DIAPH2: variants seen among roughly 807,000 people sequenced by gnomAD.
DIAPH2 encodes diaphanous related formin 2, also known as protein diaphanous homolog 2.
A neutral mutation model predicts 92.7 loss-of-function variants in DIAPH2; 35 were observed. The ratio of observed to expected loss-of-function variants is 0.38; its 90% confidence interval spans 0.29 to 0.50. DIAPH2 has a LOEUF of 0.50. Among genes scored for constraint, DIAPH2 ranks in the 20% least tolerant of loss-of-function variants. The pLI is 0.94. For synonymous variants in DIAPH2, 301 were observed against 280.4 expected (o/e 1.07, Z -0.73); for missense variants, 701 against 819.5 (o/e 0.86, Z 1.77).
intron 4 of DIAPH2, among the ~76,000 whole-genome samples, chrX:96,833,258 A>G (rs1376907100): frequency 4.5e-5 from 5 of 111,480 alleles, no homozygotes; most frequent in African/African-American, 1.6e-4. Context: ...GTAGTATAAG[A>G]TATTTGTATA....
intron 3 of DIAPH2, among the ~76,000 whole-genome samples, chrX:96,750,446 CT>C (rs2064180277): frequency 9.0e-6 from 1 of 111,653 alleles, no homozygotes; most frequent in East Asian, 2.8e-4. Context: ...AAATATCTTG[CT>C]TTTATTTAAA....
At chrX:96,938,297 T>C (rs1338692461) in intron 11 of DIAPH2, among the ~76,000 whole-genome samples, 2 of 112,036 alleles carry the variant, frequency 1.8e-5, no homozygotes, top group Non-Finnish European at 3.8e-5. Flanking sequence ...GTTATTATTT[T>C]AAGGAATAAT....
chrX:97,429,215 G>A (rs937359424), intron 25 of DIAPH2, among the ~76,000 whole-genome samples: 4 of 112,254 alleles, frequency 3.6e-5, no homozygotes, highest in African/African-American at 1.3e-4. Flanking sequence ...GATGATGGTT[G>A]AATGCCGAAA....
chrX:96,967,300 T>C lies in DIAPH2; in HGVS notation c.2050+2093T>C, dbSNP rs765647737. Among the ~76,000 whole-genome samples the C allele has an allele frequency of 6.2e-5, 7 of 112,152 alleles. No individual in the cohort carries two copies. In the South Asian group the frequency reaches 2.6e-3, roughly 42 times the overall value. ...AAGTGAGAACATGCAGTATTTAATT[T>C]TCTGTTCCTGCATTAATTTGCTTAG... On this transcript the variant is annotated intron_variant, in intron 17 of 26. Transcript: ENST00000324765.
At chrX:96,937,957 A>G (rs888411256) in intron 11 of DIAPH2, among the ~76,000 whole-genome samples, 1 of 111,482 alleles carries the variant, frequency 9.0e-6, no homozygotes, top group Non-Finnish European at 1.9e-5. Flanking sequence ...ATTGCTGGCC[A>G]TTTGTTTCGC....
chrX:97,229,730 G>T (rs1002110116), intron 22 of DIAPH2, among the ~76,000 whole-genome samples: 3 of 107,458 alleles, frequency 2.8e-5, no homozygotes, highest in African/African-American at 6.7e-5. Context: ...ATAAAAGATT[G>T]GGGTTTGGGT....
At chrX:96,813,620 G>A (rs1375634720) in intron 4 of DIAPH2, among the ~76,000 whole-genome samples, 2 of 111,376 alleles carry the variant, frequency 1.8e-5, no homozygotes, top group East Asian at 2.8e-4. Flanking sequence ...TCCTACCATC[G>A]ATGGTCTTTA....
At chrX:96,685,814 A>C (rs2063768058) in intron 1 of DIAPH2, among the ~76,000 whole-genome samples, 1 of 111,719 alleles carries the variant, frequency 9.0e-6, no homozygotes, top group Non-Finnish European at 1.9e-5. Context: ...GTGAGGTACC[A>C]CCAACTGTCG....
At chrX:97,363,170 C>T (rs2069341867) in intron 24 of DIAPH2, among the ~76,000 whole-genome samples, 1 of 111,842 alleles carries the variant, frequency 8.9e-6, no homozygotes, top group Non-Finnish European at 1.9e-5. Context: ...AGAACTTTAC[C>T]TAGAAGCCCG....
chrX:97,389,396 G>C (rs1028626223), intron 25 of DIAPH2, among the ~76,000 whole-genome samples: 2 of 104,560 alleles, frequency 1.9e-5, no homozygotes, highest in Admixed American at 1.0e-4. Flanking sequence ...AACCCGGGGG[G>C]CAGAAGTTGC....
At chrX:96,879,269 A>G (rs1395960931) in intron 4 of DIAPH2, among the ~76,000 whole-genome samples, 1 of 111,690 alleles carries the variant, frequency 9.0e-6, no homozygotes, top group Non-Finnish European at 1.9e-5. Flanking sequence ...AAATGATGGG[A>G]GCCAGCAATG....
intron 20 of DIAPH2, among the ~76,000 whole-genome samples, chrX:97,105,145 C>T (rs1486170329): frequency 9.0e-6 from 1 of 110,878 alleles, no homozygotes; most frequent in African/African-American, 3.3e-5. Flanking sequence ...ACAAAACCAA[C>T]AACAAAAAAA....
At chrX:97,263,089 G>A (rs2068302022) in intron 23 of DIAPH2, among the ~76,000 whole-genome samples, 1 of 112,239 alleles carries the variant, frequency 8.9e-6, no homozygotes. Context: ...AACCCTCTAA[G>A]TATTTTATTG....
chrX:97,283,025 G>T (rs752770947), intron 23 of DIAPH2, among the ~76,000 whole-genome samples: 33 of 111,446 alleles, frequency 3.0e-4, no homozygotes, highest in Non-Finnish European at 5.5e-4. Context: ...AAGGGTAGTG[G>T]TAGATGGAGG....
intron 25 of DIAPH2, among the ~76,000 whole-genome samples, chrX:97,406,377 A>G (rs772175265): frequency 8.9e-6 from 1 of 112,223 alleles, no homozygotes; most frequent in South Asian, 3.7e-4. Context: ...TAAACTGGAT[A>G]TAAAGATGTC....
intron 17 of DIAPH2, among the ~76,000 whole-genome samples, chrX:96,970,315 A>G (rs2065920206): frequency 9.0e-6 from 1 of 110,956 alleles, no homozygotes; most frequent in Admixed American, 9.6e-5. Flanking sequence ...TATGTCTGGT[A>G]GACTTCAGCT....
chrX:97,159,771 ATTAC>A (rs1304616877), intron 22 of DIAPH2, among the ~76,000 whole-genome samples: 2 of 112,442 alleles, frequency 1.8e-5, no homozygotes, highest in Admixed American at 1.9e-4. Context: ...AATATTTTAG[ATTAC>A]TTAGTAAAAA....
At chrX:97,511,517 T>G (rs1254269603) in intron 26 of DIAPH2, among the ~76,000 whole-genome samples, 1 of 109,275 alleles carries the variant, frequency 9.2e-6, no homozygotes, top group Non-Finnish European at 1.9e-5. Context: ...TCCTGCCTAA[T>G]TGCCCTGGCC....
At chrX:96,883,741 T>TA (rs2065236446) in intron 5 of DIAPH2, among the ~76,000 whole-genome samples, 1 of 111,132 alleles carries the variant, frequency 9.0e-6, no homozygotes, top group African/African-American at 3.3e-5. Flanking sequence ...GAACAGTAAC[T>TA]ACGGTGGTGC....
Sources: gnomAD v4.1 joint callset for allele counts (sites outside exome capture counted in the v4.1 genomes callset) on GRCh38, gnomAD v4.1.1 for gene constraint, MANE v1.5 for transcripts, NCBI Gene and HGNC (gene_info 2026-07-23, HGNC 2026-07-21) for gene names.